The following RHCG variants were observed in gnomAD, a reference collection of about 807,000 sequenced individuals.
RHCG encodes ammonium transporter Rh type C.
RHCG carries 39 observed loss-of-function variants against 55.3 expected under a neutral mutation model. The observed-to-expected ratio is 0.70, with a 90% CI of 0.55 to 0.92. The LOEUF is 0.92. Among genes scored for constraint, RHCG ranks in the 40% least tolerant of loss-of-function variants. The probability of loss-of-function intolerance (pLI) is 0.00; values close to 1 mark genes in which losing one functional copy is unlikely to be tolerated. For missense variants in RHCG, 635 were observed against 627.9 expected (o/e 1.01, Z -0.12); for synonymous variants, 250 against 246.8 (o/e 1.01, Z -0.12).
At chr15:89,481,475 G>A (rs908530474) in intron 3 of RHCG, among the ~76,000 whole-genome samples, 4 of 151,670 alleles carry the variant, frequency 2.6e-5, no homozygotes, top group Non-Finnish European at 4.4e-5. Context: ...GAGGGGATAC[G>A]CATACTGAGA....
chr15:89,488,784 G>C (rs1056101364), intron 1 of RHCG, among the ~76,000 whole-genome samples: 1 of 148,632 alleles, frequency 6.7e-6, no homozygotes, highest in Non-Finnish European at 1.5e-5. Context: ...GGGGGGGGGG[G>C]AGTGCTATAA....
intron 3 of RHCG, among the ~76,000 whole-genome samples, chr15:89,481,188 G>A (rs1301985782): frequency 6.6e-6 from 1 of 152,230 alleles, no homozygotes; most frequent in Admixed American, 6.5e-5. Context: ...GGTGGCTCAT[G>A]CCTGTAATCC....
At chr15:89,488,893 T>G (rs997130962) in intron 1 of RHCG, among the ~76,000 whole-genome samples, 1 of 152,080 alleles carries the variant, frequency 6.6e-6, no homozygotes, top group Non-Finnish European at 1.5e-5. Flanking sequence ...TAATGGAAAT[T>G]TATGAAGCTG....
Position 89,496,576 on chromosome 15 carries a change from G to T in RHCG, c.-32C>A. 6.3e-7 allele frequency: 1 copy of T among 1,595,432 alleles called. No individual in the cohort carries two copies. Among genetic ancestry groups the T allele is most frequent in the Non-Finnish European group, 8.5e-7 (1 of 1,172,058 alleles). ...GGGGTGCCTGGCCGGGCTGGCAGCGGGCGGTTCGGACGCTCGGAGGCCGGC... is the reference window on the plus strand; with the variant it reads ...GGGGTGCCTGGCCGGGCTGGCAGCGTGCGGTTCGGACGCTCGGAGGCCGGC... On this transcript the variant is annotated 5_prime_UTR_variant, in exon 1 of 11. Transcript: ENST00000268122.
At chr15:89,481,228 T>A (rs766897815) in intron 3 of RHCG, among the ~76,000 whole-genome samples, 2 of 152,166 alleles carry the variant, frequency 1.3e-5, no homozygotes, top group African/African-American at 4.8e-5. Context: ...GGCAGGCGGA[T>A]CACCTGAGGT....
intron 1 of RHCG, among the ~76,000 whole-genome samples, chr15:89,492,958 T>C (rs1961503978): frequency 1.3e-5 from 2 of 152,196 alleles, no homozygotes; most frequent in Non-Finnish European, 2.9e-5. Flanking sequence ...AGAGATCCTG[T>C]ACTTTAAATA....
chr15:89,490,357 G>A (rs577425326), intron 1 of RHCG, among the ~76,000 whole-genome samples: 1 of 152,370 alleles, frequency 6.6e-6, no homozygotes, highest in South Asian at 2.1e-4. Context: ...CAGTGTGGGA[G>A]AGCTGTGGGT....
intron 9 of RHCG, among the ~76,000 whole-genome samples, chr15:89,475,160 T>TCCTGCCTGCCTGCCTTCCTG (rs1961123317): frequency 6.7e-6 from 1 of 149,766 alleles, no homozygotes; most frequent in Admixed American, 6.6e-5. Flanking sequence ...CTTCCTTCCT[T>TCCTGCCTGCCTGCCTTCCTG]CCTGCCTGCC....
chr15:89,479,350 G>A lies in RHCG; in HGVS notation c.809C>T (p.Ala270Val). The A allele has an allele frequency of 6.2e-7, 1 of 1,614,100 alleles. No homozygotes were observed. The highest frequency in any genetic ancestry group is 8.5e-7 in the Non-Finnish European group (1 of 1,180,016). The change falls in exon 5 of 11, where the codon GCC (alanine) becomes GTC (valine). Residue 270 changes from alanine to valine, a missense_variant. Physicochemically the swap from Ala to Val is moderately conservative, Grantham distance 64. Coordinates refer to ENST00000268122, the MANE Select transcript of RHCG (RefSeq NM_016321.3). ...CVLTSVAISS[A>V]LHKKGKLDMV... Reference sequence around the variant, plus strand: ...GTCCAGCTTGCCCTTCTTGTGCAGGGCACTGGATATTGCCACCGAGGTAAG... The same window carrying A: ...GTCCAGCTTGCCCTTCTTGTGCAGGACACTGGATATTGCCACCGAGGTAAG...
chr15:89,490,753 G>A (rs1050485507), intron 1 of RHCG, among the ~76,000 whole-genome samples: 1 of 151,744 alleles, frequency 6.6e-6, no homozygotes, highest in Non-Finnish European at 1.5e-5. Flanking sequence ...TGCTGGGTCT[G>A]GCCTGGCCGT....
chr15:89,485,854 T>G (rs1278845628), intron 2 of RHCG, among the ~76,000 whole-genome samples: 1 of 152,208 alleles, frequency 6.6e-6, no homozygotes, highest in South Asian at 2.1e-4. Context: ...TGCTATAGGT[T>G]TCATAAGTTG....
At chr15:89,488,249 CA>C (rs1372456788) in intron 1 of RHCG, among the ~76,000 whole-genome samples, 15 of 151,978 alleles carry the variant, frequency 9.9e-5, no homozygotes, top group African/African-American at 3.6e-4. Flanking sequence ...AATGAGGTAG[CA>C]GATAGGGCTC....
intron 2 of RHCG, among the ~76,000 whole-genome samples, chr15:89,485,510 C>T (rs1357960304): frequency 6.6e-6 from 1 of 152,186 alleles, no homozygotes; most frequent in Admixed American, 6.5e-5. Flanking sequence ...TATCATACCT[C>T]GTTGGTATCC....
chr15:89,483,130 G>A lies in RHCG; in HGVS notation c.459C>T (p.Ile153=), dbSNP rs749867234. ...AGAGGGTCACTTGGAAGAAAGTCAT[G>A]ATGAGCAGCTGAATGGGGCTGACTT... ...LGKVSPIQLL[I]MTFFQVTLFA... is the part of the protein sequence containing the mutation. Residue 153 remains isoleucine (I), a synonymous_variant, in exon 3 of 11, where the codon ATC becomes ATT. Coordinates refer to ENST00000268122, the MANE Select transcript of RHCG (RefSeq NM_016321.3). 1.2e-6 allele frequency: 2 copies of A among 1,608,606 alleles called. No individual in the cohort carries two copies. The highest frequency in any genetic ancestry group is 3.3e-5 in the Admixed American group (2 of 59,946).
At chr15:89,473,868 A>C (rs1349290174) in intron 9 of RHCG, among the ~76,000 whole-genome samples, 2 of 152,214 alleles carry the variant, frequency 1.3e-5, no homozygotes, top group African/African-American at 4.8e-5. Flanking sequence ...CTTGGAATAA[A>C]TTATAAAGAT....
chr15:89,489,156 C>T (rs959453415), intron 1 of RHCG, among the ~76,000 whole-genome samples: 8 of 152,104 alleles, frequency 5.3e-5, no homozygotes, highest in Non-Finnish European at 1.0e-4. Context: ...CATTTTGTCG[C>T]CCTGGCTGGA....
chr15:89,492,123 C>T (rs1961487572), intron 1 of RHCG, among the ~76,000 whole-genome samples: 1 of 152,194 alleles, frequency 6.6e-6, no homozygotes, highest in Admixed American at 6.5e-5. Flanking sequence ...TTGGTGACTC[C>T]AGCTGTCCTG....
intron 2 of RHCG, among the ~76,000 whole-genome samples, chr15:89,483,564 A>G (rs1351990930): frequency 5.3e-5 from 8 of 152,038 alleles, no homozygotes; most frequent in Non-Finnish European, 1.0e-4. Context: ...TGTAGCTTCT[A>G]CCTGCTTTTC....
At chr15:89,490,027 T>C (rs1203929892) in intron 1 of RHCG, among the ~76,000 whole-genome samples, 2 of 152,138 alleles carry the variant, frequency 1.3e-5, no homozygotes, top group Non-Finnish European at 2.9e-5. Flanking sequence ...GATGAATGAA[T>C]GATTGTTATT....
Sources: allele counts gnomAD v4.1 joint callset (sites outside exome capture counted in the v4.1 genomes callset), GRCh38; gene constraint gnomAD v4.1.1; transcripts MANE v1.5; gene names NCBI Gene and HGNC (gene_info 2026-07-23, HGNC 2026-07-21).